The following BRD8 variants were observed in gnomAD, a reference collection of about 807,000 sequenced individuals.
BRD8 encodes bromodomain containing 8.
In BRD8, 67 loss-of-function variants were observed where a neutral mutation model predicts 143.1. The ratio of observed to expected loss-of-function variants is 0.47; its 90% CI spans 0.38 to 0.57. The LOEUF (loss-of-function observed/expected upper bound fraction) is 0.57, where lower values mean the gene tolerates loss of function less well. Among genes scored for constraint, BRD8 ranks in the 20% least tolerant of loss-of-function variants. The pLI is 0.00. For synonymous variants in BRD8, 505 were observed against 517.1 expected, an observed-to-expected ratio of 0.98 and a Z score of 0.32; for missense variants, 1,103 against 1,503.0, an observed-to-expected ratio of 0.73 and a Z score of 4.40.
intron 21 of BRD8, among the ~76,000 whole-genome samples, chr5:138,151,856 A>T (rs1752383874): frequency 6.8e-6 from 1 of 147,692 alleles, no homozygotes; most frequent in Non-Finnish European, 1.5e-5. Context: ...TTTAATTTTA[A>T]TTAATTTATT....
chr5:138,155,417 C>T (rs182060155), intron 20 of BRD8, among the ~76,000 whole-genome samples: 341 of 149,938 alleles, frequency 2.3e-3, no homozygotes, highest in African/African-American at 8.1e-3. Context: ...CCATTGCACT[C>T]CAGCCTGGGC....
chr5:138,166,185 A>G, intron 10 of BRD8, 77 bp from the exon 11 acceptor site: 1 of 991,102 alleles, frequency 1.0e-6, no homozygotes, highest in South Asian at 1.5e-5. Flanking sequence ...CATAAGCGCT[A>G]CAGACAGATG....
chr5:138,154,327 C>T (rs1387233894), intron 20 of BRD8, among the ~76,000 whole-genome samples: 5 of 152,078 alleles, frequency 3.3e-5, no homozygotes, highest in African/African-American at 9.7e-5. Context: ...CATTTTTCTC[C>T]GTATTGCCAC....
At chr5:138,142,759 CAAAA>C (rs35529846) in intron 25 of BRD8, among the ~76,000 whole-genome samples, 3 of 83,834 alleles carry the variant, frequency 3.6e-5, no homozygotes, top group Non-Finnish European at 4.6e-5. Context: ...AAGACTGTCT[CAAAA>C]AAAAAAAAAA....
chr5:138,165,743 AAGC>A lies in BRD8; in HGVS notation c.1278+82_1278+84del, dbSNP rs1283848903. 455 of 1,389,248 alleles carry A rather than the reference AAGC, an allele frequency of 3.3e-4. 3 individuals carry two copies. The African/African-American group carries it at 4.9e-3, about 15-fold the overall frequency. 86.1% of individuals were successfully genotyped at this position (1,389,248 alleles called of 1,614,324 possible). ...TCTGTCTCCAAAAAAAAAAAAAAAAAAGCAGCAGCAGCACCAAAGTGAGGCTGA... is the reference window on the plus strand; with the variant it reads ...TCTGTCTCCAAAAAAAAAAAAAAAAAAGCAGCAGCACCAAAGTGAGGCTGA... On this transcript the variant is annotated intron_variant, in intron 11 of 26. Transcript: ENST00000254900.
intron 22 of BRD8, 105 bp downstream of exon 22, chr5:138,150,640 C>T: frequency 7.7e-7 from 1 of 1,292,248 alleles, no homozygotes; most frequent in African/African-American, 1.5e-5. Flanking sequence ...GGATTTGGAT[C>T]CAGGTAGTTT....
intron 19 of BRD8, 49 bp downstream of exon 19, chr5:138,160,020 C>T (rs1367336538): frequency 2.1e-6 from 3 of 1,445,624 alleles, no homozygotes; most frequent in Non-Finnish European, 2.9e-6. Flanking sequence ...ATGCTTCAGA[C>T]TTCTACTACT....
intron 5 of BRD8, 55 bp from the exon 6 acceptor site, chr5:138,170,967 AG>A: frequency 6.2e-7 from 1 of 1,612,552 alleles, no homozygotes; most frequent in Non-Finnish European, 8.5e-7. Context: ...CTATTTTAAA[AG>A]TTCTGACCAG....
In BRD8 at chr5:138,171,040, A is replaced by G. The variant is rs757676731; in HGVS notation, c.357T>C (p.Tyr119=). ...TTGGCATTCTCTCTGATAAGTACCT[A>G]TATCTCTCCTGGGTTTCCTTTATCA... ...KKVIKETQER[Y]RRLKRDAELI... is the part of the protein sequence containing the mutation. The change falls in exon 5 of 27, where the codon TAT becomes TAC. Residue 119 remains tyrosine (Y), a splice_region_variant and synonymous_variant. Transcript: ENST00000254900. The G allele has an allele frequency of 1.7e-5, 27 of 1,613,500 alleles. No homozygotes were observed. In the Admixed American group the frequency reaches 2.0e-4, roughly 12 times the overall value.
chr5:138,146,753 G>A (rs1312409540), intron 23 of BRD8, among the ~76,000 whole-genome samples: 1 of 151,774 alleles, frequency 6.6e-6, no homozygotes. Flanking sequence ...CGGATCACAA[G>A]GTCAGGAGAT....
rs998584224 is a variant in BRD8 at position 138,157,397 on chromosome 5, G to C, written c.2577+2158C>G. On this transcript the variant is annotated intron_variant, in intron 20 of 26. Transcript: ENST00000254900. ...AATCAGCAGAAAAATCCAGAGGGAT[G>C]AGGGGCATATTTCTGTCTTCCCACA... 2.0e-5 allele frequency: 24 copies of C among 1,183,112 alleles called. No individual in the cohort carries two copies. In the African/African-American group the frequency reaches 3.7e-4, roughly 18 times the overall value. The allele number at this position is 1,183,112 out of a possible 1,614,324, so 73.3% of individuals were successfully genotyped here.
chr5:138,140,277 G>C, intron 26 of BRD8, 111 bp from the exon 27 acceptor site: 1 of 759,928 alleles, frequency 1.3e-6, no homozygotes, highest in Non-Finnish European at 2.2e-6. Context: ...TTTAAAGTAT[G>C]ATGCTACCCA....
intron 25 of BRD8, 147 bp from the exon 26 acceptor site, chr5:138,141,029 G>A: frequency 1.2e-6 from 1 of 815,688 alleles, no homozygotes; most frequent in East Asian, 2.5e-5. Context: ...AATAGCAACA[G>A]CAGTTAATAT....
At position 138,166,121 on chromosome 5, in the gene BRD8, A is replaced by G. The variant is rs770454899; in HGVS notation, c.998-13T>C. 6.2e-7 allele frequency: 1 copy of G among 1,602,690 alleles called. No individual in the cohort carries two copies. The highest frequency in any genetic ancestry group is 1.1e-5 in the South Asian group (1 of 90,808). On this transcript the variant is annotated splice_polypyrimidine_tract_variant and intron_variant, in intron 10 of 26. Coordinates refer to ENST00000254900, the MANE Select transcript of BRD8 (RefSeq NM_139199.2). ...TCGGGTTGACTCACTGAGTAACAGA[A>G]AGAGAAAAGCATCTCAGAAGCTTAT...
rs964194734 is a variant in BRD8, at chr5:138,145,389, G to A, written c.3369-144C>T. On this transcript the variant is annotated intron_variant, in intron 24 of 26. Coordinates refer to ENST00000254900, the MANE Select transcript of BRD8 (RefSeq NM_139199.2). ...GGAAAAAATCTATTTGTTCCCTCTT[G>A]CCAGAGAGTTAAAAAAAACACAAAA... The A allele has an allele frequency of 7.8e-6, 5 of 643,394 alleles. No individual in the cohort carries two copies. In the Admixed American group the frequency reaches 1.6e-4, roughly 21 times the overall value. 39.9% of individuals were successfully genotyped at this position (643,394 alleles called of 1,614,324 possible). A position where few individuals can be genotyped will look rare whatever the true frequency, so the allele number is the denominator to read the frequency against.
rs748301937 is a variant in BRD8 at position 138,165,044 on chromosome 5, C to T, written c.1401G>A (p.Arg467=). The change falls in exon 12 of 27, where the codon CGG becomes CGA. Residue 467 remains arginine (R), a synonymous_variant. Transcript: ENST00000254900. ...GTGCAGGGAGAGGTACTGGCTTGTC[C>T]CGCTCCTGCTGGATAGGATGCTCCC... ...GPWEHPIQQE[R]DKPVPLPAPE... 2 of 1,614,122 alleles carry T rather than the reference C, an allele frequency of 1.2e-6. No individual in the cohort carries two copies. Among genetic ancestry groups the T allele is most frequent in the South Asian group, 2.2e-5 (2 of 91,084 alleles).
chr5:138,169,251 G>A lies in BRD8; in HGVS notation c.613C>T (p.Pro205Ser). ...GGDYPLGDLT[P>S]TTMEEATSGV... ...GAGGTAGCCTCTTCCATAGTGGTTG[G>A]AGTCAAGTCCCCAAGTGGATAATCA... Residue 205 changes from proline to serine, a missense_variant, in exon 8 of 27, where the codon CCA becomes TCA. By Grantham distance (74) the Pro-to-Ser change is moderately conservative. Transcript: ENST00000254900. The A allele has an allele frequency of 6.2e-7, 1 of 1,614,046 alleles. No homozygotes were observed. The highest frequency in any genetic ancestry group is 8.5e-7 in the Non-Finnish European group (1 of 1,179,994).
chr5:138,160,237 C>T, intron 18 of BRD8, 64 bp from the exon 19 acceptor site: 2 of 1,086,722 alleles, frequency 1.8e-6, no homozygotes, highest in Non-Finnish European at 2.9e-6. Flanking sequence ...ATTAAGTACA[C>T]TTTAAGCACT....
intron 23 of BRD8, among the ~76,000 whole-genome samples, chr5:138,148,991 A>G (rs779615597): frequency 6.6e-6 from 1 of 151,870 alleles, no homozygotes; most frequent in East Asian, 2.0e-4. Context: ...CCTTGAGTTC[A>G]GGAAGTCAAG....
Sources: allele counts gnomAD v4.1 joint callset (sites outside exome capture counted in the v4.1 genomes callset), GRCh38; gene constraint gnomAD v4.1.1; transcripts MANE v1.5; gene names NCBI Gene and HGNC (gene_info 2026-07-23, HGNC 2026-07-21).